Variants in RNF40 observed in about 807,000 individuals in gnomAD.
RNF40 encodes the protein ring finger protein 40, also known as E3 ubiquitin-protein ligase BRE1B.
In RNF40, 39 loss-of-function variants were observed where a neutral mutation model predicts 123.3. The observed-to-expected ratio is 0.32, with a 90% confidence interval of 0.24 to 0.41. RNF40 has a LOEUF of 0.41. RNF40 is among the 10% of genes least tolerant of loss of function. The pLI is 1.00. For missense variants in RNF40, 1,003 were observed against 1,319.9 expected (o/e 0.76, Z 3.72); for synonymous variants, 538 against 526.0 (o/e 1.02, Z -0.31).
rs2054211086 is a variant in RNF40, at chr16:30,775,106, C to T, written c.*992C>T. ...GCCAGAGGGTTGGAGCTGCAGGGACCCGTTTGGACCCACAGCCTCTGTTCT... is the reference window on the plus strand; with the variant it reads ...GCCAGAGGGTTGGAGCTGCAGGGACTCGTTTGGACCCACAGCCTCTGTTCT... On this transcript the variant is annotated 3_prime_UTR_variant, in exon 20 of 20. Coordinates refer to ENST00000324685, the MANE Select transcript of RNF40 (RefSeq NM_014771.4). The T allele has an allele frequency of 2.2e-6, 1 of 449,340 alleles. No homozygotes were observed. The highest frequency in any genetic ancestry group is 2.0e-5 in the African/African-American group (1 of 49,840). The allele number at this position is 449,340 out of a possible 1,614,324, so 27.8% of individuals were successfully genotyped here.
intron 11 of RNF40, among the ~76,000 whole-genome samples, chr16:30,767,325 A>G (rs1313657414): frequency 6.6e-6 from 1 of 152,196 alleles, no homozygotes. Context: ...CTCTTGACAG[A>G]TAGGAAAGTA....
chr16:30,761,930 G>T, upstream of RNF40: 1 of 625,236 alleles, frequency 1.6e-6, no homozygotes, highest in Non-Finnish European at 2.7e-6. Context: ...AACGGCGACG[G>T]TTGCCAAGGG....
Position 30,764,916 on chromosome 16 carries a change from T to C in RNF40, c.650-22T>C, listed in dbSNP as rs757162278. 9 of 1,608,386 alleles carry C rather than the reference T, an allele frequency of 5.6e-6. No homozygotes were observed. In the South Asian group the frequency reaches 7.7e-5, roughly 14 times the overall value. On this transcript the variant is annotated intron_variant, in intron 5 of 19. Coordinates refer to ENST00000324685, the MANE Select transcript of RNF40 (RefSeq NM_014771.4). ...GCCCCATTGCCCTGAGCTGGGCTCTTACCTGGGCCCTGCCTTCCCAGGGGA... is the reference window on the plus strand; with the variant it reads ...GCCCCATTGCCCTGAGCTGGGCTCTCACCTGGGCCCTGCCTTCCCAGGGGA...
chr16:30,763,911 G>A (rs570574774), intron 4 of RNF40, among the ~76,000 whole-genome samples: 15 of 152,302 alleles, frequency 9.8e-5, no homozygotes, highest in African/African-American at 3.4e-4. Context: ...GAATGATTGT[G>A]TGTGCATGCA....
At position 30,768,322 on chromosome 16, in the gene RNF40, G is replaced by T. The variant is rs2054077731; in HGVS notation, c.1771G>T (p.Gly591Cys). 6.2e-7 allele frequency: 1 copy of T among 1,613,704 alleles called. No individual in the cohort carries two copies. The highest frequency in any genetic ancestry group is 8.5e-7 in the Non-Finnish European group (1 of 1,179,882). ...GGTCCCCTCTGAAGAGGACTTCCAGGGTATAACCCCTGGGGCCCAGGGCCC... is the reference window on the plus strand; with the variant it reads ...GGTCCCCTCTGAAGAGGACTTCCAGTGTATAACCCCTGGGGCCCAGGGCCC... ...ELVPSEEDFQ[G>C]ITPGAQGPSS... The change falls in exon 13 of 20, where the codon GGT becomes TGT. Residue 591 changes from glycine (G) to cysteine (C), a missense_variant. By Grantham distance (159) the Gly-to-Cys change is radical. Coordinates refer to ENST00000324685, the MANE Select transcript of RNF40 (RefSeq NM_014771.4). The surrounding 1 kb of genome is among the most constrained non-coding windows in gnomAD (Gnocchi z 4.1).
Position 30,776,105 on chromosome 16 carries a change from C to G in RNF40, c.*1991C>G, listed in dbSNP as rs901363358. 2 of 152,246 alleles carry G rather than the reference C, an allele frequency of 1.3e-5. No homozygotes were observed. Among genetic ancestry groups the G allele is most frequent in the East Asian group, 3.9e-4 (2 of 5,188 alleles). The allele number at this position is 152,246 out of a possible 1,614,324, so 9.4% of individuals were successfully genotyped here. On this transcript the variant is annotated 3_prime_UTR_variant, in exon 20 of 20. Transcript: ENST00000324685. ...AGCGCCAGTCTCAGGAGCGCCGCACCGGTCACGGGTGGAGGTCAGCCAGGC... is the reference window on the plus strand; with the variant it reads ...AGCGCCAGTCTCAGGAGCGCCGCACGGGTCACGGGTGGAGGTCAGCCAGGC...
In RNF40 at chr16:30,767,992, G is replaced by C. The variant is rs1309907783; in HGVS notation, c.1528G>C (p.Glu510Gln). Residue 510 changes from glutamate (E) to glutamine (Q), a missense_variant, in exon 12 of 20, where the codon GAA (glutamate) becomes CAA (glutamine). This residue lies in a region of RNF40 where 295 missense variants were observed against 331.7 expected (regional missense o/e 0.89). Coordinates refer to ENST00000324685, the MANE Select transcript of RNF40 (RefSeq NM_014771.4). The part of the protein sequence containing the change: ...DAQRYKRKLR[E>Q]VQAEIGKLRA... ...CCAGCGATACAAGCGGAAGCTTCGA[G>C]AAGTACAAGCTGAGATTGGCAAGGT... 2 of 1,614,104 alleles carry C rather than the reference G, an allele frequency of 1.2e-6. No homozygotes were observed. Among genetic ancestry groups the C allele is most frequent in the African/African-American group, 2.7e-5 (2 of 74,942 alleles).
Position 30,768,480 on chromosome 16 carries a change from A to G in RNF40, c.1929A>G (p.Glu643=). The G allele has an allele frequency of 6.2e-7, 1 of 1,610,118 alleles. No individual in the cohort carries two copies. Among genetic ancestry groups the G allele is most frequent in the Non-Finnish European group, 8.5e-7 (1 of 1,177,676 alleles). The change falls in exon 13 of 20, where the codon GAA becomes GAG. Residue 643 remains glutamate (E), a synonymous_variant. Transcript: ENST00000324685. This position sits in a 1 kb window ranked among gnomAD's most constrained non-coding sequence, Gnocchi z 4.1. ...RADREKAKVE[E]TKRKESELLK... ...ATCGGGAGAAGGCCAAGGTGGAAGA[A>G]ACCAAGCGGAAGGAATCAGAACTCC...
Position 30,762,550 on chromosome 16 carries a change from C to T in RNF40, c.5C>T (p.Ser2Phe), listed in dbSNP as rs776249388. 6.9e-6 allele frequency: 11 copies of T among 1,595,908 alleles called. No individual in the cohort carries two copies. Among genetic ancestry groups the T allele is most frequent in the South Asian group, 2.2e-5 (2 of 89,892 alleles). Reference protein sequence around the residue: MSGPGNKRAAGD... With the variant: MFGPGNKRAAGD... The stretch of plus-strand genomic sequence containing the variant: ...ATCGCTCCAGCCGCCGCGGCCATGT[C>T]TGGGCCAGGCAACAAACGCGCCGCC... Residue 2 changes from serine to phenylalanine, a missense_variant, in exon 2 of 20, where the codon TCT becomes TTT. Physicochemically the swap from Ser to Phe is radical, Grantham distance 155. Transcript: ENST00000324685.
intron 18 of RNF40, 27 bp from the exon 19 acceptor site, chr16:30,772,062 C>A (rs778394509): frequency 3.8e-6 from 6 of 1,574,442 alleles, no homozygotes; most frequent in Non-Finnish European, 5.2e-6. Flanking sequence ...AGGACCCTTG[C>A]CCTTAGCCAG....
chr16:30,772,622 G>A (rs547481059), intron 19 of RNF40, among the ~76,000 whole-genome samples: 23 of 152,348 alleles, frequency 1.5e-4, no homozygotes, highest in African/African-American at 5.5e-4. Flanking sequence ...ACGGGAGTGA[G>A]TAGCTTTAGG....
intron 17 of RNF40, 151 bp from the exon 18 acceptor site, chr16:30,771,682 C>A: frequency 1.3e-6 from 1 of 778,436 alleles, no homozygotes; most frequent in Non-Finnish European, 2.0e-6. Context: ...AGAGGGAGAA[C>A]AGGAGGGGAG....
chr16:30,762,237 C>T (rs1474389421), upstream of RNF40: 2 of 401,206 alleles, frequency 5.0e-6, no homozygotes, highest in Non-Finnish European at 8.9e-6. Flanking sequence ...AGTTTCCTCA[C>T]ATCCGGGGCT....
At position 30,762,557 on chromosome 16, in the gene RNF40, AG is replaced by A; in HGVS notation, c.14del (p.Gly5AlafsTer18). 1 of 1,599,614 alleles carries A rather than the reference AG, an allele frequency of 6.3e-7. No homozygotes were observed. Among genetic ancestry groups the A allele is most frequent in the Admixed American group, 1.8e-5 (1 of 57,018 alleles). On this transcript the variant is annotated frameshift_variant, in exon 2 of 20. Coordinates refer to ENST00000324685, the MANE Select transcript of RNF40 (RefSeq NM_014771.4). LOFTEE classifies it high-confidence loss of function. ...CAGCCGCCGCGGCCATGTCTGGGCC[AG>A]GCAACAAACGCGCCGCCGGCGACGG... MSGP[G>X]NKRAAGDGGS...
intron 4 of RNF40, among the ~76,000 whole-genome samples, 172 bp downstream of exon 4, chr16:30,763,731 C>T (rs1325795114): frequency 6.6e-6 from 1 of 152,260 alleles, no homozygotes; most frequent in African/African-American, 2.4e-5. Flanking sequence ...TAGACTCTGA[C>T]TAACTTGGTT....
intron 5 of RNF40, among the ~76,000 whole-genome samples, chr16:30,764,701 T>A (rs2053995700): frequency 6.6e-6 from 1 of 152,172 alleles, no homozygotes; most frequent in Admixed American, 6.5e-5. Context: ...CCTTGTAGGT[T>A]GACAGGCTTC....
chr16:30,768,536 G>T lies in RNF40; in HGVS notation c.1979+6G>T, dbSNP rs778509391. On this transcript the variant is annotated splice_donor_region_variant and intron_variant, in intron 13 of 19. Transcript: ENST00000324685. This position sits in a 1 kb window ranked among gnomAD's most constrained non-coding sequence, Gnocchi z 4.1. ...GGTCTCCGAGCAGAGCTCAAGTGAG[G>T]CTCTGTTCCTGTCTCCTTCCTGACC... The T allele has an allele frequency of 6.2e-7, 1 of 1,612,620 alleles. No individual in the cohort carries two copies. The highest frequency in any genetic ancestry group is 1.7e-4 in the Middle Eastern group (1 of 6,058).
upstream of RNF40, chr16:30,761,745 GC>G: frequency 1.3e-6 from 2 of 1,522,040 alleles, no homozygotes; most frequent in East Asian, 4.9e-5. Context: ...TTGCGGTTGA[GC>G]ATCTCGCCGC....
Position 30,763,059 on chromosome 16 carries a change from G to C in RNF40, c.133-59G>C, listed in dbSNP as rs113359747. On this transcript the variant is annotated intron_variant, in intron 2 of 19. Transcript: ENST00000324685. ...ATGCTCTGCTCCTCTTTCTCTCTCT[G>C]TGATTGGTTTGTGGGCCCTGCTTGA... The C allele has an allele frequency of 3.9e-5, 62 of 1,591,628 alleles. No homozygotes were observed. The East Asian group carries it at 4.0e-4, about 10-fold the overall frequency.
Sources: gnomAD v4.1 joint callset for allele counts (sites outside exome capture counted in the v4.1 genomes callset) on GRCh38, gnomAD v4.1.1 for gene constraint, gnomAD v4.1.1 regional missense constraint, Gnocchi (gnomAD v3.1) non-coding constraint, MANE v1.5 for transcripts, NCBI Gene and HGNC (gene_info 2026-07-23, HGNC 2026-07-21) for gene names.